FMN1: variants seen among roughly 807,000 people sequenced by gnomAD.
The protein encoded by FMN1 is formin-1.
FMN1 carries 110 observed loss-of-function variants against 132.4 expected under a neutral mutation model. That is an observed-to-expected ratio of 0.83 (90% CI 0.71 to 0.97). The LOEUF is 0.97. Among genes scored for constraint, FMN1 ranks in the 50% least tolerant of loss-of-function variants. The pLI, the probability that FMN1 is intolerant of heterozygous loss-of-function variation, is 0.00. For synonymous variants in FMN1, 722 were observed against 651.7 expected, an observed-to-expected ratio of 1.11 and a Z score of -1.64; for missense variants, 1,792 against 1,705.3, an observed-to-expected ratio of 1.05 and a Z score of -0.90.
chr15:32,863,161 C>T (rs549394653), intron 16 of FMN1, among the ~76,000 whole-genome samples: 114 of 152,264 alleles, frequency 7.5e-4, no homozygotes, highest in African/African-American at 2.7e-3. Context: ...TACATCAGTT[C>T]GGCTAGGCGC....
intron 4 of FMN1, among the ~76,000 whole-genome samples, chr15:33,140,117 C>A (rs1017802801): frequency 1.3e-5 from 2 of 151,326 alleles, no homozygotes; most frequent in Non-Finnish European, 2.9e-5. Flanking sequence ...GCAGCAATAT[C>A]CCTGAAAGAA....
chr15:32,994,558 A>G (rs899522122), intron 7 of FMN1, among the ~76,000 whole-genome samples: 5 of 152,152 alleles, frequency 3.3e-5, no homozygotes, highest in Admixed American at 1.3e-4. Flanking sequence ...TTGGCTGGTT[A>G]TTTTATCAAT....
At chr15:33,156,273 GTTTTTT>G (rs59517614) in intron 3 of FMN1, among the ~76,000 whole-genome samples, 7 of 87,248 alleles carry the variant, frequency 8.0e-5, no homozygotes, top group African/African-American at 3.2e-4. Context: ...CACTCAAGTA[GTTTTTT>G]TTTTTTTTTT....
At chr15:32,964,283 C>G (rs761863055) in intron 8 of FMN1, 26 bp from the exon 9 acceptor site, 1 of 1,513,314 alleles carries the variant, frequency 6.6e-7, no homozygotes, top group South Asian at 1.3e-5. Context: ...GACAAGTTAA[C>G]CATAAGAACC....
At chr15:32,915,375 T>C (rs962423113) in intron 10 of FMN1, among the ~76,000 whole-genome samples, 21 of 152,242 alleles carry the variant, frequency 1.4e-4, no homozygotes, top group African/African-American at 5.1e-4. Flanking sequence ...TTAAACTTAT[T>C]AGCCATTACA....
At chr15:32,837,048 T>A (rs185412368) in intron 17 of FMN1, 21 of 231,104 alleles carry the variant, frequency 9.1e-5, no homozygotes, top group Non-Finnish European at 1.3e-4. Context: ...TCCATCTTCA[T>A]CCTTCTCACT....
chr15:33,121,463 C>T (rs1962547011), intron 4 of FMN1, among the ~76,000 whole-genome samples: 1 of 152,098 alleles, frequency 6.6e-6, no homozygotes, highest in Non-Finnish European at 1.5e-5. Flanking sequence ...CTATATGATA[C>T]AAAGGTAGAA....
chr15:33,053,021 T>C (rs1258225238), intron 6 of FMN1, among the ~76,000 whole-genome samples: 1 of 152,000 alleles, frequency 6.6e-6, no homozygotes, highest in African/African-American at 2.4e-5. Flanking sequence ...CAGTCCCTTC[T>C]CTGCTGAAAG....
chr15:32,879,853 ATTTT>A (rs10676903), intron 16 of FMN1, among the ~76,000 whole-genome samples: 1 of 151,598 alleles, frequency 6.6e-6, no homozygotes, highest in Non-Finnish European at 1.5e-5. Flanking sequence ...TCATTGTGGG[ATTTT>A]TTGTTTTTAT....
At chr15:33,113,689 C>T (rs1443998960) in intron 4 of FMN1, among the ~76,000 whole-genome samples, 1 of 152,140 alleles carries the variant, frequency 6.6e-6, no homozygotes. Context: ...ACTTCTCCCC[C>T]TTCTAGACAG....
chr15:33,005,500 CT>C (rs769771763), intron 7 of FMN1, among the ~76,000 whole-genome samples: 3 of 152,176 alleles, frequency 2.0e-5, no homozygotes, highest in African/African-American at 4.8e-5. Flanking sequence ...ATATACTCCT[CT>C]TTTCCATCTC....
At chr15:32,921,061 G>C (rs1390512267) in intron 10 of FMN1, among the ~76,000 whole-genome samples, 2 of 152,128 alleles carry the variant, frequency 1.3e-5, no homozygotes, top group Non-Finnish European at 1.5e-5. Flanking sequence ...TTATATTCTC[G>C]TGGTAGATGT....
Position 33,163,036 on chromosome 15 carries a change from C to T in FMN1, c.-131-7991G>A, listed in dbSNP as rs540174928. On this transcript the variant is annotated intron_variant, in intron 3 of 20. Coordinates refer to ENST00000616417, the MANE Select transcript of FMN1 (RefSeq NM_001277313.2). ...ACCTAGGAAACTAAGGTGGGAGAAT[C>T]GCTTGAACCCGGGAGGTGGAGGTTG... 2.0e-5 allele frequency among the ~76,000 whole-genome samples: 3 copies of T among 152,140 alleles called. No individual in the cohort carries two copies. In the East Asian group the frequency reaches 5.8e-4, roughly 30 times the overall value.
intron 3 of FMN1, among the ~76,000 whole-genome samples, chr15:33,179,153 T>A (rs977303987): frequency 2.6e-5 from 4 of 151,800 alleles, no homozygotes; most frequent in Admixed American, 1.3e-4. Context: ...AGAACATATA[T>A]CAAGGAGAGA....
At position 32,772,702 on chromosome 15, in the gene FMN1, AT is replaced by A. The variant is rs1424869887; in HGVS notation, c.*1607del. On this transcript the variant is annotated 3_prime_UTR_variant, in exon 21 of 21. Coordinates refer to ENST00000616417, the MANE Select transcript of FMN1 (RefSeq NM_001277313.2). ...GAAAAGGCGGTTAGCACCTGCATGA[AT>A]ATGGCTTCTGTGACTTGATTTGATC... 3 of 152,246 alleles carry A rather than the reference AT, an allele frequency of 2.0e-5. No homozygotes were observed. The highest frequency in any genetic ancestry group is 2.0e-4 in the Admixed American group (3 of 15,288). The allele number at this position is 152,246 out of a possible 1,614,324, so 9.4% of individuals were successfully genotyped here. A position where few individuals can be genotyped will look rare whatever the true frequency, so the allele number is the denominator to read the frequency against.
At chr15:32,949,964 TACACACATATATATACACAC>T (rs2061595827) in intron 9 of FMN1, among the ~76,000 whole-genome samples, 1 of 33,610 alleles carries the variant, frequency 3.0e-5, no homozygotes, top group African/African-American at 1.4e-4. Context: ...TATATATATA[TACACACATATATATACACAC>T]ACATATATAT....
intron 19 of FMN1, among the ~76,000 whole-genome samples, chr15:32,783,096 T>C (rs953892725): frequency 6.6e-6 from 1 of 151,954 alleles, no homozygotes; most frequent in African/African-American, 2.4e-5. Flanking sequence ...CCTGCCACTA[T>C]GAAATACATC....
chr15:33,097,989 C>A lies in FMN1; in HGVS notation c.1868-9015G>T, dbSNP rs345791. Among the ~76,000 whole-genome samples, 21 of 151,974 alleles carry A rather than the reference C, an allele frequency of 1.4e-4. No individual in the cohort carries two copies. In the East Asian group the frequency reaches 4.1e-3, roughly 29 times the overall value. ...ACATATGGAATTTATCAAAATAGAC[C>A]GCACACTGGGCCACAAAACAAGTCT... On this transcript the variant is annotated intron_variant, in intron 4 of 20. Transcript: ENST00000616417.
At chr15:33,084,112 T>C (rs1181993938) in intron 5 of FMN1, among the ~76,000 whole-genome samples, 1 of 152,210 alleles carries the variant, frequency 6.6e-6, no homozygotes, top group Non-Finnish European at 1.5e-5. Flanking sequence ...AAGAAATAAC[T>C]ACAGGTATAT....
Sources: allele counts gnomAD v4.1 joint callset (sites outside exome capture counted in the v4.1 genomes callset), GRCh38; gene constraint gnomAD v4.1.1; transcripts MANE v1.5; gene names NCBI Gene and HGNC (gene_info 2026-07-23, HGNC 2026-07-21).